Variants in STX16 observed in about 807,000 individuals in gnomAD.
The protein encoded by STX16 is syntaxin 16.
A neutral mutation model predicts 42.7 loss-of-function variants in STX16; 28 were observed. That is an observed-to-expected ratio of 0.66 (90% CI 0.49 to 0.90). The LOEUF is 0.90. STX16 is among the 40% of genes least tolerant of loss of function. STX16 has a pLI of 0.00. For synonymous variants in STX16, 156 were observed against 155.2 expected (o/e 1.00, Z -0.04); for missense variants, 361 against 420.9 (o/e 0.86, Z 1.24).
At chr20:58,652,755 C>G (rs939807057) in intron 1 of STX16, among the ~76,000 whole-genome samples, 5 of 152,058 alleles carry the variant, frequency 3.3e-5, no homozygotes, top group Non-Finnish European at 7.4e-5. Flanking sequence ...AAGGTGCTAG[C>G]CTCTTCACTT....
Position 58,670,610 on chromosome 20 carries a change from G to T in STX16, c.648+7G>T. 1.2e-6 allele frequency: 2 copies of T among 1,612,686 alleles called. No homozygotes were observed. Among genetic ancestry groups the T allele is most frequent in the South Asian group, 2.2e-5 (2 of 90,980 alleles). On this transcript the variant is annotated splice_region_variant and intron_variant, in intron 6 of 8. Coordinates refer to ENST00000371141, the MANE Select transcript of STX16 (RefSeq NM_001001433.3). ...TAACACTCTTTACCATCGGGTACGTGAACGGGCTGCAAAGCTGATTGCTGT... is the reference window on the plus strand; with the variant it reads ...TAACACTCTTTACCATCGGGTACGTTAACGGGCTGCAAAGCTGATTGCTGT...
At chr20:58,664,824 T>G (rs955341235) in intron 2 of STX16, among the ~76,000 whole-genome samples, 2 of 152,214 alleles carry the variant, frequency 1.3e-5, no homozygotes, top group African/African-American at 2.4e-5. Flanking sequence ...CAAAATAAGA[T>G]CATGAGCTTA....
rs2084129196 is a variant in STX16, at chr20:58,676,439, C to T, written c.*148C>T. ...GAACCTTTGCATCCACGGACTCCTC[C>T]TTCCCTAGTCCTGCTCAAGCGGTCC... On this transcript the variant is annotated 3_prime_UTR_variant, in exon 9 of 9. Transcript: ENST00000371141. 5 of 678,362 alleles carry T rather than the reference C, an allele frequency of 7.4e-6. No individual in the cohort carries two copies. Among genetic ancestry groups the T allele is most frequent in the Non-Finnish European group, 1.3e-5 (5 of 379,906 alleles). The allele number at this position is 678,362 out of a possible 1,614,324, so 42.0% of individuals were successfully genotyped here.
chr20:58,659,591 A>G, intron 1 of STX16, 32 bp from the exon 2 acceptor site: 1 of 1,607,984 alleles, frequency 6.2e-7, no homozygotes, highest in Non-Finnish European at 8.5e-7. Flanking sequence ...CCCCAACTGG[A>G]TGGGACTGAT....
At chr20:58,664,787 G>A (rs1294097268) in intron 2 of STX16, among the ~76,000 whole-genome samples, 2 of 152,184 alleles carry the variant, frequency 1.3e-5, no homozygotes, top group East Asian at 3.8e-4. Flanking sequence ...TTAGTTTAAT[G>A]TGTATTTGTA....
At chr20:58,668,232 C>A in intron 4 of STX16, 105 bp downstream of exon 4, 1 of 1,446,340 alleles carries the variant, frequency 6.9e-7, no homozygotes, top group Non-Finnish European at 9.3e-7. Flanking sequence ...ATTTCCCAAC[C>A]TGAAGTTCTC....
At chr20:58,669,585 C>G (rs1018079935) in intron 5 of STX16, 132 bp downstream of exon 5, 1 of 1,126,004 alleles carries the variant, frequency 8.9e-7, no homozygotes, top group African/African-American at 1.6e-5. Flanking sequence ...ATACCTTGTA[C>G]AGTAAAGGGA....
chr20:58,660,188 T>C (rs1325979269), intron 2 of STX16, among the ~76,000 whole-genome samples: 2 of 152,206 alleles, frequency 1.3e-5, no homozygotes, highest in African/African-American at 4.8e-5. Context: ...TATTAGCTAC[T>C]AGCATCTTGC....
At chr20:58,652,327 G>T (rs746594130) in intron 1 of STX16, 189 bp downstream of exon 1, 1 of 799,740 alleles carries the variant, frequency 1.3e-6, no homozygotes, top group Non-Finnish European at 2.0e-6. Flanking sequence ...GTGCTGTGAG[G>T]CCGCAGCTCC....
intron 1 of STX16, chr20:58,652,430 C>A: frequency 2.1e-6 from 1 of 468,406 alleles, no homozygotes; most frequent in South Asian, 1.7e-5. Flanking sequence ...CTGTAATTTA[C>A]ATATGTTTTA....
intron 7 of STX16, among the ~76,000 whole-genome samples, chr20:58,673,226 T>C (rs1020478018): frequency 1.3e-5 from 2 of 152,156 alleles, no homozygotes; most frequent in Non-Finnish European, 2.9e-5. Context: ...GGGGCGAGCT[T>C]ACCTGGTGTT....
chr20:58,659,768 A>AT (rs2083656785), intron 2 of STX16, 134 bp downstream of exon 2: 9 of 925,168 alleles, frequency 9.7e-6, no homozygotes, highest in East Asian at 5.3e-5. Flanking sequence ...TTACTTTATA[A>AT]TTTTTTTAAC....
chr20:58,654,617 T>C (rs556697040), intron 1 of STX16, among the ~76,000 whole-genome samples: 37 of 152,358 alleles, frequency 2.4e-4, no homozygotes, highest in African/African-American at 7.7e-4. Flanking sequence ...TTTCACTGCA[T>C]ATCTAGCTCA....
rs1429566789 is a variant in STX16, at chr20:58,671,200, T to C, written c.695T>C (p.Met232Thr). The C allele has an allele frequency of 1.9e-6, 3 of 1,614,016 alleles. No homozygotes were observed. The change falls in exon 7 of 9, where the codon ATG (methionine) becomes ACG (threonine). Residue 232 changes from methionine (M) to threonine (T), a missense_variant. Transcript: ENST00000371141. ...GTTCTGGTGGAGCAGAACACACTGA[T>C]GGTGGAAGAGCGGGAACGAGAGATT... ...QLVLVEQNTL[M>T]VEEREREIRQ...
At chr20:58,667,683 T>C (rs2083869563) in intron 3 of STX16, 86 bp downstream of exon 3, 1 of 1,180,112 alleles carries the variant, frequency 8.5e-7, no homozygotes, top group Admixed American at 1.9e-5. Flanking sequence ...ATAAACGAAT[T>C]TGGCTACACT....
rs979997921 is a variant in STX16 at position 58,651,601 on chromosome 20, G to A, written c.-406G>A. 8.7e-5 allele frequency: 16 copies of A among 182,996 alleles called. No homozygotes were observed. Among genetic ancestry groups the A allele is most frequent in the Non-Finnish European group, 1.6e-4 (14 of 84,870 alleles). 11.3% of individuals were successfully genotyped at this position (182,996 alleles called of 1,614,324 possible). ...CGCTTACGAGCCAAAGTTAGGGGTA[G>A]AGAGCAGAGACCTCCGGGGGGTCTC... is the stretch of plus-strand genomic sequence containing the variant. On this transcript the variant is annotated 5_prime_UTR_variant, in exon 1 of 9. Coordinates refer to ENST00000371141, the MANE Select transcript of STX16 (RefSeq NM_001001433.3).
intron 4 of STX16, 132 bp from the exon 5 acceptor site, chr20:58,669,159 T>C: frequency 1.1e-6 from 1 of 905,578 alleles, no homozygotes; most frequent in Non-Finnish European, 1.6e-6. Context: ...ATTCCTTTTA[T>C]CTGTTCACCT....
intron 6 of STX16, among the ~76,000 whole-genome samples, 196 bp from the exon 7 acceptor site, chr20:58,670,958 G>T (rs2083955208): frequency 6.6e-6 from 1 of 152,224 alleles, no homozygotes; most frequent in Admixed American, 6.5e-5. Flanking sequence ...CAGAGCTTTA[G>T]ATCCTGCTGG....
chr20:58,652,093 T>C lies in STX16; in HGVS notation c.87T>C (p.Ser29=), dbSNP rs2083469972. ...GGCAGCTGTTAGCCGAGCAAGTGAG[T>C]AGTCACATCACCTCCAGCCCTCTGC... ...QNRQLLAEQV[S]SHITSSPLHS... Residue 29 remains serine, a synonymous_variant, in exon 1 of 9, where the codon AGT becomes AGC. Transcript: ENST00000371141. 1 of 1,614,182 alleles carries C rather than the reference T, an allele frequency of 6.2e-7. No homozygotes were observed. Among genetic ancestry groups the C allele is most frequent in the Non-Finnish European group, 8.5e-7 (1 of 1,180,032 alleles).
Sources: allele counts gnomAD v4.1 joint callset (sites outside exome capture counted in the v4.1 genomes callset), GRCh38; gene constraint gnomAD v4.1.1; transcripts MANE v1.5; gene names NCBI Gene and HGNC (gene_info 2026-07-23, HGNC 2026-07-21).